The following CDS2 variants were observed in gnomAD, a reference collection of about 807,000 sequenced individuals.
CDS2 encodes phosphatidate cytidylyltransferase 2.
Under a neutral mutation model 59.0 loss-of-function variants are expected in CDS2, and 47 were observed. The observed-to-expected ratio is 0.80, with a 90% confidence interval of 0.63 to 1.02. The LOEUF (loss-of-function observed/expected upper bound fraction) is 1.02, where lower values mean the gene tolerates loss of function less well. Among genes scored for constraint, CDS2 ranks in the 50% least tolerant of loss-of-function variants. The pLI, the probability that CDS2 is intolerant of heterozygous loss-of-function variation, is 0.00. For missense variants in CDS2, 356 were observed against 558.9 expected (o/e 0.64, Z 3.66); for synonymous variants, 207 against 206.4 (o/e 1.00, Z -0.02).
In CDS2 at chr20:5,167,757, G is replaced by A. The variant is rs17785222; in HGVS notation, c.58-5766G>A. The stretch of plus-strand genomic sequence containing the variant: ...ACAGGGCTTGATCTAGAAGATGGAG[G>A]CCATGGTATTCAGCAGAAAAGTTAG... On this transcript the variant is annotated intron_variant, in intron 1 of 12. Coordinates refer to ENST00000460006, the MANE Select transcript of CDS2 (RefSeq NM_003818.4). 3.3e-3 allele frequency among the ~76,000 whole-genome samples: 508 copies of A among 152,288 alleles called. 16 individuals carry two copies. The East Asian group carries it at 0.068, about 20-fold the overall frequency.
chr20:5,181,053 A>C (rs184720055), intron 5 of CDS2, among the ~76,000 whole-genome samples: 5 of 152,360 alleles, frequency 3.3e-5, no homozygotes, highest in Admixed American at 3.3e-4. Flanking sequence ...TAGTACAACT[A>C]TTCCATATCA....
rs2090997912 is a variant in CDS2, at chr20:5,176,734, G to A, written c.378G>A (p.Arg126=). ...ACTCATATGATCTGCCCTGGTTCAGGACGCTCAGCTGGTAAGCTCTCCGGC... is the reference window on the plus strand; with the variant it reads ...ACTCATATGATCTGCCCTGGTTCAGAACGCTCAGCTGGTAAGCTCTCCGGC... ...VYHSYDLPWF[R]TLSWYFLLCV... Residue 126 remains arginine, a synonymous_variant, in exon 4 of 13, where the codon AGG becomes AGA. Transcript: ENST00000460006. 1.9e-6 allele frequency: 3 copies of A among 1,613,234 alleles called. No homozygotes were observed. The highest frequency in any genetic ancestry group is 2.5e-6 in the Non-Finnish European group (3 of 1,179,160).
chr20:5,158,450 G>GT (rs1244189715), intron 1 of CDS2, among the ~76,000 whole-genome samples: 1 of 152,200 alleles, frequency 6.6e-6, no homozygotes, highest in Non-Finnish European at 1.5e-5. Flanking sequence ...GGGATTACAT[G>GT]TAGGTGTAAG....
rs2091013735 is a variant in CDS2, at chr20:5,178,944, CTCTA to C, written c.522_525del (p.Tyr174Ter). ...ATACCACCGGTTCATTTCCTTTACT[CTCTA>C]TCTAATAGGTATGCATTAAGCAGTT... On this transcript the variant is annotated frameshift_variant, in exon 5 of 13. Transcript: ENST00000460006. LOFTEE classifies it high-confidence loss of function. 1.2e-6 allele frequency: 2 copies of C among 1,614,044 alleles called. No homozygotes were observed. Among genetic ancestry groups the C allele is most frequent in the Non-Finnish European group, 1.7e-6 (2 of 1,179,902 alleles).
At chr20:5,136,186 G>A (rs2090648369) in intron 1 of CDS2, among the ~76,000 whole-genome samples, 1 of 151,794 alleles carries the variant, frequency 6.6e-6, no homozygotes, top group Non-Finnish European at 1.5e-5. Context: ...CTAGTCCTGT[G>A]GTTTCAGTGG....
chr20:5,158,310 C>T (rs1044132082), intron 1 of CDS2, among the ~76,000 whole-genome samples: 3 of 151,924 alleles, frequency 2.0e-5, no homozygotes, highest in Non-Finnish European at 2.9e-5. Flanking sequence ...GCTGGGATTA[C>T]AGGCACCTGC....
At chr20:5,158,001 G>A (rs1018321389) in intron 1 of CDS2, among the ~76,000 whole-genome samples, 1 of 152,042 alleles carries the variant, frequency 6.6e-6, no homozygotes, top group Non-Finnish European at 1.5e-5. Flanking sequence ...ACACAAATTC[G>A]TAAACTTTCT....
At chr20:5,169,206 C>T (rs959324168) in intron 1 of CDS2, among the ~76,000 whole-genome samples, 2 of 152,230 alleles carry the variant, frequency 1.3e-5, no homozygotes, top group Non-Finnish European at 2.9e-5. Context: ...TCTGCCCCAC[C>T]TGGCCTCTGT....
In CDS2 at chr20:5,189,184, A is replaced by G; in HGVS notation, c.1099A>G (p.Lys367Glu). Reference sequence around the variant, plus strand: ...TGGATTCAAACGAGCCTTTAAAATCAAAGTAGGAAAACCGTCTTACGTTCC... The same window carrying G: ...TGGATTCAAACGAGCCTTTAAAATCGAAGTAGGAAAACCGTCTTACGTTCC... Reference protein sequence around the residue: ...ASGFKRAFKIKDFANTIPGHG... With the variant: ...ASGFKRAFKIEDFANTIPGHG... Residue 367 changes from lysine (K) to glutamate (E), a missense_variant and splice_region_variant, in exon 11 of 13, where the codon AAA (lysine) becomes GAA (glutamate). Coordinates refer to ENST00000460006, the MANE Select transcript of CDS2 (RefSeq NM_003818.4). The G allele has an allele frequency of 6.2e-7, 1 of 1,614,038 alleles. No homozygotes were observed. The highest frequency in any genetic ancestry group is 8.5e-7 in the Non-Finnish European group (1 of 1,179,966).
chr20:5,176,619 G>T (rs757635456), intron 3 of CDS2, 29 bp from the exon 4 acceptor site: 1 of 1,530,996 alleles, frequency 6.5e-7, no homozygotes, highest in Non-Finnish European at 9.1e-7. Context: ...TAAGAATTGG[G>T]GTGTCAGTGA....
chr20:5,157,765 T>A (rs527399493), intron 1 of CDS2, among the ~76,000 whole-genome samples: 84 of 152,296 alleles, frequency 5.5e-4, no homozygotes, highest in African/African-American at 1.8e-3. Context: ...TTCAGCCTCA[T>A]GACCTAATCA....
At chr20:5,141,707 G>A (rs529176664) in intron 1 of CDS2, among the ~76,000 whole-genome samples, 187 of 152,298 alleles carry the variant, frequency 1.2e-3, no homozygotes, top group African/African-American at 4.3e-3. Context: ...ATGGAAAAGA[G>A]GGGGTGGTCA....
chr20:5,142,123 G>A (rs940820525), intron 1 of CDS2, among the ~76,000 whole-genome samples: 2 of 152,194 alleles, frequency 1.3e-5, no homozygotes, highest in African/African-American at 4.8e-5. Flanking sequence ...AGACAAGCCT[G>A]AGCAATAGAG....
chr20:5,138,583 T>G (rs908503208), intron 1 of CDS2, among the ~76,000 whole-genome samples: 5 of 151,750 alleles, frequency 3.3e-5, no homozygotes, highest in Admixed American at 3.3e-4. Flanking sequence ...CCCTCCAGAT[T>G]CAAGCCATTC....
Position 5,182,943 on chromosome 20 carries a change from C to T in CDS2, c.589-118C>T, listed in dbSNP as rs2091041994. The stretch of plus-strand genomic sequence containing the variant: ...CTGTTCACTTTCAATAAGTCAGATA[C>T]AAAAGCAGATATTTTTCCTACCTGC... On this transcript the variant is annotated intron_variant, in intron 6 of 12. Coordinates refer to ENST00000460006, the MANE Select transcript of CDS2 (RefSeq NM_003818.4). The T allele has an allele frequency of 3.9e-6, 3 of 775,198 alleles. No homozygotes were observed. In the South Asian group the frequency reaches 4.9e-5, roughly 13 times the overall value. The allele number at this position is 775,198 out of a possible 1,614,324, so 48.0% of individuals were successfully genotyped here.
rs1419571580 is a variant in CDS2, at chr20:5,197,825, G to A, written c.*7591G>A. 6 of 152,214 alleles carry A rather than the reference G, an allele frequency of 3.9e-5. No individual in the cohort carries two copies. Among genetic ancestry groups the A allele is most frequent in the Admixed American group, 1.3e-4 (2 of 15,276 alleles). The allele number at this position is 152,214 out of a possible 1,614,324, so 9.4% of individuals were successfully genotyped here. A position where few individuals can be genotyped will look rare whatever the true frequency, so the allele number is the denominator to read the frequency against. On this transcript the variant is annotated 3_prime_UTR_variant, in exon 13 of 13. Transcript: ENST00000460006. ...AACATGATATACTGTACGTTGGAAA[G>A]CATTTACCTTATTTATATACCTGAA...
At chr20:5,140,028 C>G (rs868396960) in intron 1 of CDS2, among the ~76,000 whole-genome samples, 1 of 152,200 alleles carries the variant, frequency 6.6e-6, no homozygotes, top group Non-Finnish European at 1.5e-5. Context: ...TCTTGAACTC[C>G]TGACGTCAGG....
intron 1 of CDS2, among the ~76,000 whole-genome samples, chr20:5,131,717 A>G (rs2090609306): frequency 6.6e-6 from 1 of 152,256 alleles, no homozygotes; most frequent in African/African-American, 2.4e-5. Flanking sequence ...GGCTTGGGTC[A>G]GTTACATCTA....
chr20:5,157,079 A>G (rs1355862427), intron 1 of CDS2, among the ~76,000 whole-genome samples: 2 of 152,264 alleles, frequency 1.3e-5, no homozygotes, highest in East Asian at 3.9e-4. Flanking sequence ...TAAGACACTA[A>G]ATGTTCAGGG....
Sources: allele counts gnomAD v4.1 joint callset (sites outside exome capture counted in the v4.1 genomes callset), GRCh38; gene constraint gnomAD v4.1.1; transcripts MANE v1.5; gene names NCBI Gene and HGNC (gene_info 2026-07-23, HGNC 2026-07-21).